AKR1C3: variants seen among roughly 807,000 people sequenced by gnomAD.
AKR1C3 encodes the protein aldo-keto reductase family 1 member C3.
A neutral mutation model predicts 43.6 loss-of-function variants in AKR1C3; 48 were observed. The observed-to-expected ratio is 1.10, with a 90% CI of 0.87 to 1.40. The LOEUF (loss-of-function observed/expected upper bound fraction) is 1.40. Among genes scored for constraint, AKR1C3 ranks in the 40% most tolerant of loss-of-function variants. The pLI is 0.00. For synonymous variants in AKR1C3, 162 were observed against 139.6 expected, an observed-to-expected ratio of 1.16 and a Z score of -1.13; for missense variants, 482 against 391.2, an observed-to-expected ratio of 1.23 and a Z score of -1.96.
rs782185907 is a variant in AKR1C3 at position 5,094,476 on chromosome 10, A to G, written c.32A>G (p.Asn11Ser). 5 of 1,612,892 alleles carry G rather than the reference A, an allele frequency of 3.1e-6. No individual in the cohort carries two copies. Among genetic ancestry groups the G allele is most frequent in the Non-Finnish European group, 4.2e-6 (5 of 1,179,036 alleles). Reference sequence around the variant, plus strand: ...TCCAAACACCAGTGTGTAAAGCTAAATGATGGCCACTTCATGCCTGTATTG... The same window carrying G: ...TCCAAACACCAGTGTGTAAAGCTAAGTGATGGCCACTTCATGCCTGTATTG... MDSKHQCVKL[N>S]DGHFMPVLGF... The change falls in exon 1 of 9, where the codon AAT (asparagine) becomes AGT (serine). Residue 11 changes from asparagine to serine, a missense_variant. Transcript: ENST00000380554.
intron 1 of AKR1C3, among the ~76,000 whole-genome samples, chr10:5,084,916 C>T (rs374296860): frequency 2.0e-5 from 3 of 152,058 alleles, no homozygotes; most frequent in African/African-American, 4.8e-5. Context: ...GTGATTTTTG[C>T]ACATTGATTT....
chr10:5,068,309 C>T (rs529377616), intron 1 of AKR1C3, among the ~76,000 whole-genome samples: 6 of 152,168 alleles, frequency 3.9e-5, no homozygotes, highest in African/African-American at 1.2e-4. Context: ...ATCCCATGTA[C>T]CTAAACATGT....
intron 2 of AKR1C3, 62 bp downstream of exon 2, chr10:5,096,639 A>G (rs1365334617): frequency 7.9e-6 from 12 of 1,526,700 alleles, no homozygotes; most frequent in African/African-American, 1.4e-5. Flanking sequence ...GGAGATGACA[A>G]TTCTATGACT....
upstream of AKR1C3, among the ~76,000 whole-genome samples, chr10:5,090,542 T>C (rs1209730436): frequency 1.3e-5 from 2 of 152,166 alleles, no homozygotes; most frequent in Non-Finnish European, 2.9e-5. Context: ...TTCACCCAGT[T>C]CAATATAGAC....
intron 3 of AKR1C3, chr10:5,098,138 A>AACTCTTT: frequency 1.0e-6 from 1 of 986,406 alleles, no homozygotes; most frequent in Non-Finnish European, 1.2e-6. Flanking sequence ...AGGCTAGTTA[A>AACTCTTT]TGCAAAAGAG....
upstream of AKR1C3, chr10:5,094,169 G>C (rs553768741): frequency 9.3e-6 from 2 of 214,832 alleles, no homozygotes; most frequent in South Asian, 1.4e-4. Flanking sequence ...TAGAGATTTA[G>C]AATAGAAAAT....
intron 1 of AKR1C3, among the ~76,000 whole-genome samples, chr10:5,087,709 A>G (rs1319150875): frequency 2.0e-5 from 3 of 151,754 alleles, no homozygotes; most frequent in African/African-American, 4.8e-5. Flanking sequence ...TTTTTTGAAT[A>G]TTCTTTTTTT....
At chr10:5,050,844 T>G (rs1449883532) in intron 1 of AKR1C3, among the ~76,000 whole-genome samples, 1 of 152,206 alleles carries the variant, frequency 6.6e-6, no homozygotes, top group Non-Finnish European at 1.5e-5. Flanking sequence ...CAAATATGTT[T>G]CATAAGGTAG....
chr10:5,101,033 A>T (rs1255839200), intron 5 of AKR1C3, among the ~76,000 whole-genome samples: 1 of 152,216 alleles, frequency 6.6e-6, no homozygotes, highest in Admixed American at 6.5e-5. Context: ...GCTACAGTAT[A>T]ATTATTGTAT....
At chr10:5,107,324 TA>T (rs1447033532) in intron 8 of AKR1C3, 136 bp from the exon 9 acceptor site, 3 of 648,932 alleles carry the variant, frequency 4.6e-6, no homozygotes, top group Non-Finnish European at 8.2e-6. Context: ...GCCATGTTCA[TA>T]AAGGTAAGAA....
At chr10:5,105,089 A>G (rs951576066) in intron 7 of AKR1C3, among the ~76,000 whole-genome samples, 1 of 152,180 alleles carries the variant, frequency 6.6e-6, no homozygotes, top group Non-Finnish European at 1.5e-5. Context: ...TCAAGCCTGT[A>G]TCTGTTTCCT....
At chr10:5,101,902 C>T (rs1839359512) in intron 5 of AKR1C3, among the ~76,000 whole-genome samples, 199 bp from the exon 6 acceptor site, 1 of 152,202 alleles carries the variant, frequency 6.6e-6, no homozygotes, top group Admixed American at 6.5e-5. Flanking sequence ...AGCTTCTGTT[C>T]AGAAATGGCA....
intron 8 of AKR1C3, among the ~76,000 whole-genome samples, chr10:5,106,499 C>T (rs1437665183): frequency 6.6e-6 from 1 of 151,950 alleles, no homozygotes. Flanking sequence ...GCCTATAATC[C>T]CAGCACTTTG....
At chr10:5,072,964 GTTTA>G (rs1436904152) in intron 1 of AKR1C3, among the ~76,000 whole-genome samples, 3 of 151,978 alleles carry the variant, frequency 2.0e-5, no homozygotes, top group African/African-American at 4.8e-5. Context: ...AATTTTATTT[GTTTA>G]TTTATTTATT....
intron 1 of AKR1C3, among the ~76,000 whole-genome samples, chr10:5,078,522 G>A (rs11252922): frequency 0.87 from 132,231 of 152,218 alleles, 57,646 homozygotes; most frequent in African/African-American, 0.95. Context: ...CTGCCACCAC[G>A]AGTGCCACTG....
At chr10:5,104,376 C>G (rs1381322429) in intron 7 of AKR1C3, among the ~76,000 whole-genome samples, 1 of 65,404 alleles carries the variant, frequency 1.5e-5, no homozygotes, top group Non-Finnish European at 2.8e-5. Flanking sequence ...CATTTGCTCA[C>G]ATATCTTGAT....
intron 7 of AKR1C3, among the ~76,000 whole-genome samples, chr10:5,103,050 C>T (rs587615166): frequency 4.0e-5 from 6 of 151,600 alleles, no homozygotes; most frequent in South Asian, 2.1e-4. Flanking sequence ...CCACCAAGCC[C>T]GGCTAATTTT....
At chr10:5,099,099 T>G (rs1839285829) in intron 4 of AKR1C3, among the ~76,000 whole-genome samples, 2 of 152,228 alleles carry the variant, frequency 1.3e-5, no homozygotes, top group African/African-American at 4.8e-5. Flanking sequence ...CTTTCCTTGC[T>G]TGTGCATTAA....
chr10:5,085,674 G>A (rs1838949643), intron 1 of AKR1C3, among the ~76,000 whole-genome samples: 2 of 151,832 alleles, frequency 1.3e-5, no homozygotes, highest in Non-Finnish European at 2.9e-5. Flanking sequence ...TTGTACCTGT[G>A]GTAGAATTCA....
Sources: allele counts gnomAD v4.1 joint callset (sites outside exome capture counted in the v4.1 genomes callset), GRCh38; gene constraint gnomAD v4.1.1; transcripts MANE v1.5; gene names NCBI Gene and HGNC (gene_info 2026-07-23, HGNC 2026-07-21).